The following NCKAP1L variants were observed in gnomAD, a reference collection of about 807,000 sequenced individuals.
NCKAP1L encodes nck-associated protein 1-like.
In NCKAP1L, 53 loss-of-function variants were observed where a neutral mutation model predicts 139.2. The ratio of observed to expected loss-of-function variants is 0.38; its 90% CI spans 0.31 to 0.48. The LOEUF (loss-of-function observed/expected upper bound fraction) is 0.48. NCKAP1L is among the 20% of genes least tolerant of loss of function. The pLI is 0.98. For missense variants in NCKAP1L, 1,151 were observed against 1,381.9 expected (o/e 0.83, Z 2.65); for synonymous variants, 468 against 499.7 (o/e 0.94, Z 0.85).
Position 54,511,863 on chromosome 12 carries a change from G to C in NCKAP1L, c.784+12G>C, listed in dbSNP as rs1187015128. ...GCGCTGGATTATCAGTAAGTTTAGT[G>C]GGATTAGATGGGAGTGGATGAAGCA... On this transcript the variant is annotated intron_variant, in intron 8 of 30. Transcript: ENST00000293373. 6.2e-7 allele frequency: 1 copy of C among 1,614,020 alleles called. No homozygotes were observed. The highest frequency in any genetic ancestry group is 2.2e-5 in the East Asian group (1 of 44,902).
intron 30 of NCKAP1L, among the ~76,000 whole-genome samples, chr12:54,541,158 C>T (rs1957155297): frequency 6.6e-6 from 1 of 152,180 alleles, no homozygotes; most frequent in African/African-American, 2.4e-5. Flanking sequence ...ATCCTAGATG[C>T]CAGAACCAGA....
At chr12:54,506,796 A>AAAAATATAT in intron 3 of NCKAP1L, among the ~76,000 whole-genome samples, 1,194 of 50,558 alleles carry the variant, frequency 0.024, 35 homozygotes, top group Admixed American at 0.027. Flanking sequence ...AAAAAAAAAA[A>AAAAATATAT]ATATATATAT....
intron 10 of NCKAP1L, among the ~76,000 whole-genome samples, 154 bp downstream of exon 10, chr12:54,516,449 TC>T (rs558409102): frequency 4.8e-4 from 70 of 145,724 alleles, no homozygotes; most frequent in South Asian, 1.3e-3. Context: ...TCTTTTCTTT[TC>T]TTTTTTTTTT....
intron 21 of NCKAP1L, among the ~76,000 whole-genome samples, chr12:54,527,208 A>G (rs765198539): frequency 5.3e-5 from 8 of 152,268 alleles, no homozygotes; most frequent in Non-Finnish European, 7.4e-5. Flanking sequence ...CCTCCCTGCA[A>G]CTGGAGAAGG....
At position 54,526,570 on chromosome 12, in the gene NCKAP1L, G is replaced by A. The variant is rs1233988463; in HGVS notation, c.2199G>A (p.Glu733=). 6.2e-7 allele frequency: 1 copy of A among 1,614,082 alleles called. No homozygotes were observed. ...WLAGYNATTQ[E]IVRPSELLAG... ...CTGGCTACAATGCCACGACCCAGGA[G>A]ATCGTACGGCCTTCTGAGCTGTTGG... Residue 733 remains glutamate (E), a synonymous_variant, in exon 21 of 31, where the codon GAG becomes GAA. Coordinates refer to ENST00000293373, the MANE Select transcript of NCKAP1L (RefSeq NM_005337.5).
At chr12:54,530,879 A>G (rs1328654238) in intron 22 of NCKAP1L, among the ~76,000 whole-genome samples, 1 of 152,270 alleles carries the variant, frequency 6.6e-6, no homozygotes, top group Non-Finnish European at 1.5e-5. Context: ...CATTTTACAG[A>G]GAAGTAAACC....
At chr12:54,509,798 T>C (rs746756222) in intron 6 of NCKAP1L, 39 bp downstream of exon 6, 1 of 1,614,070 alleles carries the variant, frequency 6.2e-7, no homozygotes, top group South Asian at 1.1e-5. Context: ...CAGGCAAAAG[T>C]ATATTGTCCT....
At chr12:54,517,678 G>A in intron 12 of NCKAP1L, 36 bp downstream of exon 12, 1 of 1,586,432 alleles carries the variant, frequency 6.3e-7, no homozygotes, top group Non-Finnish European at 8.7e-7. Context: ...CTTGTCCTTA[G>A]ATGGACTGGG....
At chr12:54,505,708 G>A (rs1050674592) in intron 3 of NCKAP1L, among the ~76,000 whole-genome samples, 11 of 151,510 alleles carry the variant, frequency 7.3e-5, no homozygotes, top group Admixed American at 2.0e-4. Context: ...TGTTGCCCAG[G>A]CTGGAGTGCA....
At chr12:54,519,429 ATTT>A (rs10686138) in intron 16 of NCKAP1L, 97 bp downstream of exon 16, 265 of 501,638 alleles carry the variant, frequency 5.3e-4, no homozygotes, top group Non-Finnish European at 5.7e-4. Context: ...ATTTTGTTTA[ATTT>A]TTTTTTTTTT....
At position 54,519,210 on chromosome 12, in the gene NCKAP1L, C is replaced by T. The variant is rs150031431; in HGVS notation, c.1503C>T (p.Ala501=). The change falls in exon 16 of 31, where the codon GCC becomes GCT. Residue 501 remains alanine (A), a synonymous_variant. Coordinates refer to ENST00000293373, the MANE Select transcript of NCKAP1L (RefSeq NM_005337.5). ...RLQAYTSVAK[A]PLHLHENPDL... ...AGGCATACACTAGCGTGGCTAAGGC[C>T]CCTCTGCACCTGCATGAGAACCCTG... The T allele has an allele frequency of 1.1e-4, 171 of 1,570,228 alleles. No homozygotes were observed. In the African/African-American group the frequency reaches 2.0e-3, roughly 19 times the overall value.
At chr12:54,514,938 A>G (rs1273360238) in intron 9 of NCKAP1L, among the ~76,000 whole-genome samples, 1 of 152,262 alleles carries the variant, frequency 6.6e-6, no homozygotes, top group Admixed American at 6.5e-5. Context: ...AAGGGTGTTC[A>G]GTTCTCCATC....
chr12:54,507,108 C>T (rs1416320582), intron 3 of NCKAP1L, among the ~76,000 whole-genome samples: 1 of 151,734 alleles, frequency 6.6e-6, no homozygotes, highest in Non-Finnish European at 1.5e-5. Flanking sequence ...TTCTCTCTCT[C>T]TCTTTTCCTT....
In NCKAP1L at chr12:54,544,107, A is replaced by G. The variant is rs1957180822; in HGVS notation, c.*1422A>G. Reference sequence around the variant, plus strand: ...ATCAACATACAGATTTTTCTTAGCAACAGTTGTCTGCTCTTTAGGGTGGAA... The same window carrying G: ...ATCAACATACAGATTTTTCTTAGCAGCAGTTGTCTGCTCTTTAGGGTGGAA... On this transcript the variant is annotated 3_prime_UTR_variant, in exon 31 of 31. Coordinates refer to ENST00000293373, the MANE Select transcript of NCKAP1L (RefSeq NM_005337.5). 1 of 152,206 alleles carries G rather than the reference A, an allele frequency of 6.6e-6. No homozygotes were observed. The highest frequency in any genetic ancestry group is 1.5e-5 in the Non-Finnish European group (1 of 68,040). 9.4% of individuals were successfully genotyped at this position (152,206 alleles called of 1,614,324 possible).
At chr12:54,500,076 T>C (rs1399617980) in intron 2 of NCKAP1L, among the ~76,000 whole-genome samples, 1 of 152,162 alleles carries the variant, frequency 6.6e-6, no homozygotes, top group Non-Finnish European at 1.5e-5. Context: ...GAAGCGTTTC[T>C]AACTTCCTCT....
intron 26 of NCKAP1L, 94 bp from the exon 27 acceptor site, chr12:54,535,010 A>C: frequency 1.1e-6 from 1 of 898,440 alleles, no homozygotes; most frequent in Non-Finnish European, 1.7e-6. Flanking sequence ...AAAAAAAATT[A>C]AACCTGTGAT....
At chr12:54,508,331 A>AG in intron 4 of NCKAP1L, 58 bp from the exon 5 acceptor site, 1 of 1,570,694 alleles carries the variant, frequency 6.4e-7, no homozygotes, top group East Asian at 2.2e-5. Context: ...TGGGGAAAGA[A>AG]GGAGATCCAG....
At chr12:54,539,458 C>A (rs191682364) in intron 30 of NCKAP1L, among the ~76,000 whole-genome samples, 254 of 152,338 alleles carry the variant, frequency 1.7e-3, no homozygotes, top group Non-Finnish European at 3.2e-3. Flanking sequence ...GGCAGGGAGC[C>A]TGGTGGGCCA....
Position 54,536,196 on chromosome 12 carries a change from C to T in NCKAP1L, c.3024C>T (p.Leu1008=), listed in dbSNP as rs1404983349. 6.2e-7 allele frequency: 1 copy of T among 1,613,480 alleles called. No homozygotes were observed. The highest frequency in any genetic ancestry group is 8.5e-7 in the Non-Finnish European group (1 of 1,179,730). ...CLLLIFLAVS[L]PLLATDPSSF... The stretch of plus-strand genomic sequence containing the variant: ...TCTTGATCTTTCTGGCAGTTTCCCT[C>T]CCACTCCTTGCCACTGACCCTTCTT... The change falls in exon 28 of 31, where the codon CTC becomes CTT. Residue 1008 remains leucine, a synonymous_variant. Coordinates refer to ENST00000293373, the MANE Select transcript of NCKAP1L (RefSeq NM_005337.5).
Sources: gnomAD v4.1 joint callset for allele counts (sites outside exome capture counted in the v4.1 genomes callset) on GRCh38, gnomAD v4.1.1 for gene constraint, MANE v1.5 for transcripts, NCBI Gene and HGNC (gene_info 2026-07-23, HGNC 2026-07-21) for gene names.